Variants in PTPRQ observed in about 807,000 individuals in gnomAD.
PTPRQ encodes the protein protein tyrosine phosphatase receptor type Q.
In PTPRQ, 199 loss-of-function variants were observed where a neutral mutation model predicts 246.0. The observed-to-expected ratio is 0.81, with a 90% CI of 0.72 to 0.91. The LOEUF is 0.91. Ranked by LOEUF, PTPRQ falls within the 40% of genes least tolerant of loss-of-function variation. The probability of loss-of-function intolerance (pLI) is 0.00; values close to 1 mark genes in which losing one functional copy is unlikely to be tolerated. For synonymous variants in PTPRQ, 869 were observed against 853.2 expected (o/e 1.02, Z -0.32); for missense variants, 2,624 against 2,528.4 (o/e 1.04, Z -0.81).
intron 6 of PTPRQ, among the ~76,000 whole-genome samples, chr12:80,467,535 C>A (rs571051875): frequency 1.3e-5 from 2 of 152,164 alleles, no homozygotes; most frequent in South Asian, 2.1e-4. Context: ...ATAAAACATG[C>A]TGCTATAAAG....
At chr12:80,620,533 T>A (rs187742207) in intron 32 of PTPRQ, among the ~76,000 whole-genome samples, 157 bp downstream of exon 32, 69 of 151,882 alleles carry the variant, frequency 4.5e-4, no homozygotes, top group African/African-American at 1.6e-3. Flanking sequence ...AAAGATAAAC[T>A]GAAAATTATT....
At chr12:80,642,854 A>C (rs1477700644) in intron 35 of PTPRQ, among the ~76,000 whole-genome samples, 1 of 135,432 alleles carries the variant, frequency 7.4e-6, no homozygotes, top group Non-Finnish European at 1.6e-5. Flanking sequence ...CGGGAGGCGG[A>C]GCTTGCAGTG....
At chr12:80,669,281 A>G (rs1391097999) in intron 40 of PTPRQ, 58 bp from the exon 41 acceptor site, 2 of 1,538,960 alleles carry the variant, frequency 1.3e-6, no homozygotes, top group Admixed American at 2.1e-5. Flanking sequence ...TAACTGTGGT[A>G]TACATATATA....
At chr12:80,547,556 C>T (rs1592639679) in intron 24 of PTPRQ, among the ~76,000 whole-genome samples, 1 of 152,012 alleles carries the variant, frequency 6.6e-6, no homozygotes, top group African/African-American at 2.4e-5. Context: ...GTTTTTCGTG[C>T]ATTTCTGTAA....
chr12:80,593,306 T>C (rs2121039137), intron 26 of PTPRQ, among the ~76,000 whole-genome samples: 1 of 152,242 alleles, frequency 6.6e-6, no homozygotes, highest in South Asian at 2.1e-4. Context: ...ATAATAAATA[T>C]TATAAAAGTT....
intron 14 of PTPRQ, among the ~76,000 whole-genome samples, chr12:80,504,717 T>C (rs547743004): frequency 5.3e-5 from 8 of 152,060 alleles, no homozygotes; most frequent in African/African-American, 1.7e-4. Flanking sequence ...TACAGTTTTA[T>C]TTTAAATTCT....
Position 80,588,234 on chromosome 12 carries a change from A to G in PTPRQ, c.4391A>G (p.Lys1464Arg). The change falls in exon 26 of 45, where the codon AAA becomes AGA. Residue 1464 changes from lysine (K) to arginine (R), a missense_variant. By Grantham distance (26) the Lys-to-Arg change is conservative. Coordinates refer to ENST00000644991, the MANE Select transcript of PTPRQ (RefSeq NM_001145026.2). ...ATCCTTGGCTACTTTCAAAATTACA[A>G]AATTACCACTCAACTTCGTGCTCAA... ...DTILGYFQNY[K>R]ITTQLRAQKC... is the part of the protein sequence containing the mutation. The G allele has an allele frequency of 6.4e-7, 1 of 1,551,670 alleles. No individual in the cohort carries two copies. The highest frequency in any genetic ancestry group is 2.4e-5 in the East Asian group (1 of 40,904).
At chr12:80,661,031 C>T (rs112345737) in intron 39 of PTPRQ, among the ~76,000 whole-genome samples, 1 of 151,752 alleles carries the variant, frequency 6.6e-6, no homozygotes, top group East Asian at 1.9e-4. Context: ...GAGATTCAGT[C>T]TTCATGATCT....
At chr12:80,622,167 A>G in intron 33 of PTPRQ, 33 bp downstream of exon 33, 1 of 1,338,942 alleles carries the variant, frequency 7.5e-7, no homozygotes, top group Non-Finnish European at 9.8e-7. Context: ...TTATAATCTC[A>G]ACATATTTAT....
intron 39 of PTPRQ, among the ~76,000 whole-genome samples, chr12:80,663,502 C>T (rs1900695033): frequency 6.6e-6 from 1 of 151,890 alleles, no homozygotes; most frequent in South Asian, 2.1e-4. Context: ...AAATTGCCAG[C>T]TTGAATTCAT....
chr12:80,605,684 G>A (rs926668332), intron 27 of PTPRQ, among the ~76,000 whole-genome samples: 2 of 150,886 alleles, frequency 1.3e-5, no homozygotes, highest in Non-Finnish European at 3.0e-5. Context: ...ATGGGAATAG[G>A]GGTGTAAAAA....
chr12:80,552,918 G>A (rs1474920328), intron 25 of PTPRQ, among the ~76,000 whole-genome samples: 1 of 151,618 alleles, frequency 6.6e-6, no homozygotes, highest in South Asian at 2.1e-4. Context: ...TTGGGAATTA[G>A]GACTCAGATC....
chr12:80,531,822 A>AT (rs199549538), intron 17 of PTPRQ, among the ~76,000 whole-genome samples: 2 of 152,150 alleles, frequency 1.3e-5, no homozygotes, highest in African/African-American at 4.8e-5. Flanking sequence ...TCTGAAAAAA[A>AT]TTTTTTTAGC....
chr12:80,556,366 A>G (rs906014846), intron 25 of PTPRQ, among the ~76,000 whole-genome samples: 3 of 152,166 alleles, frequency 2.0e-5, no homozygotes, highest in Admixed American at 2.0e-4. Context: ...GGAGAAAAAT[A>G]TTTTATTGAA....
At chr12:80,590,350 A>G (rs1004073935) in intron 26 of PTPRQ, among the ~76,000 whole-genome samples, 4 of 152,124 alleles carry the variant, frequency 2.6e-5, no homozygotes, top group Non-Finnish European at 4.4e-5. Flanking sequence ...AACCTAAAGC[A>G]GATGATGTCA....
intron 25 of PTPRQ, among the ~76,000 whole-genome samples, chr12:80,569,046 A>T (rs1345874420): frequency 6.6e-6 from 1 of 151,962 alleles, no homozygotes; most frequent in African/African-American, 2.4e-5. Context: ...TTTCTGTTCA[A>T]GTCATTACTG....
At chr12:80,562,308 A>G (rs2120922548) in intron 25 of PTPRQ, among the ~76,000 whole-genome samples, 1 of 152,322 alleles carries the variant, frequency 6.6e-6, no homozygotes, top group East Asian at 1.9e-4. Context: ...GCTGTGTGAA[A>G]TGAATCTCTT....
chr12:80,663,803 A>G (rs1007265344), intron 39 of PTPRQ, among the ~76,000 whole-genome samples: 1 of 151,778 alleles, frequency 6.6e-6, no homozygotes, highest in Non-Finnish European at 1.5e-5. Context: ...TAGCCTCTCC[A>G]TAATCTTGAT....
intron 30 of PTPRQ, 52 bp from the exon 31 acceptor site, chr12:80,619,332 T>A (rs1436863401): frequency 8.6e-6 from 13 of 1,507,826 alleles, no homozygotes; most frequent in Non-Finnish European, 1.2e-5. Flanking sequence ...TTTTTTCTTT[T>A]GTTGATGAAA....
Sources: allele counts gnomAD v4.1 joint callset (sites outside exome capture counted in the v4.1 genomes callset), GRCh38; gene constraint gnomAD v4.1.1; transcripts MANE v1.5; gene names NCBI Gene and HGNC (gene_info 2026-07-23, HGNC 2026-07-21).